Variants in SUMF1 observed in about 807,000 individuals in gnomAD.
SUMF1 encodes sulfatase modifying factor 1, also known as formylglycine-generating enzyme.
In SUMF1, 48 loss-of-function variants were observed where a neutral mutation model predicts 47.6. The observed-to-expected ratio is 1.01, with a 90% CI of 0.80 to 1.28. The LOEUF is 1.28. SUMF1 is among the 50% of genes most tolerant of loss of function. SUMF1 has a pLI of 0.00. For missense variants in SUMF1, 571 were observed against 485.4 expected, an observed-to-expected ratio of 1.18 and a Z score of -1.66; for synonymous variants, 230 against 192.1, an observed-to-expected ratio of 1.20 and a Z score of -1.63.
chr3:4,322,754 A>G (rs1316982179), intron 8 of SUMF1, among the ~76,000 whole-genome samples: 1 of 150,300 alleles, frequency 6.7e-6, no homozygotes, highest in Non-Finnish European at 1.5e-5. Flanking sequence ...GGTTGGTTGC[A>G]AAATTGTGCA....
chr3:4,343,328 C>A (rs961995644), intron 8 of SUMF1, among the ~76,000 whole-genome samples: 2 of 152,208 alleles, frequency 1.3e-5, no homozygotes, highest in East Asian at 3.8e-4. Flanking sequence ...GATCACCAAA[C>A]CACAGGGATA....
chr3:4,442,880 A>G (rs1218409204), intron 3 of SUMF1, among the ~76,000 whole-genome samples: 1 of 152,116 alleles, frequency 6.6e-6, no homozygotes, highest in East Asian at 1.9e-4. Flanking sequence ...CCAAATTTCT[A>G]TAAGAAGTAA....
intron 5 of SUMF1, among the ~76,000 whole-genome samples, chr3:4,417,796 G>A (rs1426025282): frequency 6.6e-6 from 1 of 152,200 alleles, no homozygotes; most frequent in Non-Finnish European, 1.5e-5. Context: ...TGGGGCTGGA[G>A]GGAGCCCACT....
intron 9 of SUMF1, among the ~76,000 whole-genome samples, chr3:4,043,539 C>A (rs891560998): frequency 6.6e-6 from 1 of 152,126 alleles, no homozygotes; most frequent in South Asian, 2.1e-4. Flanking sequence ...AGCCACCCCC[C>A]ATTCCTCTCC....
At chr3:4,216,409 TAAAC>T (rs1695924951) in intron 8 of SUMF1, among the ~76,000 whole-genome samples, 1 of 152,194 alleles carries the variant, frequency 6.6e-6, no homozygotes, top group Non-Finnish European at 1.5e-5. Context: ...ATTACAGAGT[TAAAC>T]ATAAGACCTA....
intron 8 of SUMF1, among the ~76,000 whole-genome samples, chr3:4,163,064 C>A (rs1263096250): frequency 1.3e-5 from 2 of 151,160 alleles, no homozygotes; most frequent in Admixed American, 1.3e-4. Context: ...CAGTATGGAT[C>A]AAAAATGTAC....
At chr3:4,050,414 G>T (rs1695085973) in intron 9 of SUMF1, among the ~76,000 whole-genome samples, 1 of 151,898 alleles carries the variant, frequency 6.6e-6, no homozygotes, top group Non-Finnish European at 1.5e-5. Context: ...TCTGTAAAAT[G>T]GGAATAAAAA....
chr3:4,214,782 G>GC (rs1374000974), intron 8 of SUMF1, among the ~76,000 whole-genome samples: 20 of 93,666 alleles, frequency 2.1e-4, no homozygotes, highest in African/African-American at 9.0e-4. Flanking sequence ...GCGAAAATAA[G>GC]CTAAAAAACC....
rs368884320 is a variant in SUMF1 at position 4,258,636 on chromosome 3, G to T, written c.1014+117694C>A. ...CAACAGGTGCTTGAGAGGATGTGGA[G>T]AAATAGGAACACTTTTACACTGTTG... On this transcript the variant is annotated intron_variant and NMD_transcript_variant, in intron 8 of 12. Transcript: ENST00000448413. 2.9e-4 allele frequency among the ~76,000 whole-genome samples: 44 copies of T among 152,078 alleles called. 1 individual carries two copies. The East Asian group carries it at 6.4e-3, about 22-fold the overall frequency.
At chr3:4,090,572 G>C (rs994166546) in intron 8 of SUMF1, among the ~76,000 whole-genome samples, 2 of 152,106 alleles carry the variant, frequency 1.3e-5, no homozygotes, top group Non-Finnish European at 2.9e-5. Context: ...AAAAATTTGT[G>C]AAGTGTACAG....
chr3:4,425,891 A>G (rs1317574296), intron 3 of SUMF1, among the ~76,000 whole-genome samples: 1 of 152,234 alleles, frequency 6.6e-6, no homozygotes, highest in East Asian at 1.9e-4. Flanking sequence ...GCAGCAGGCA[A>G]GAGGGCAAGA....
At chr3:4,444,083 A>G (rs1176578572) in intron 3 of SUMF1, among the ~76,000 whole-genome samples, 1 of 152,182 alleles carries the variant, frequency 6.6e-6, no homozygotes, top group African/African-American at 2.4e-5. Flanking sequence ...TCAGGCAAAA[A>G]CAACTAATTT....
chr3:4,350,758 C>G (rs143948195), intron 8 of SUMF1, among the ~76,000 whole-genome samples: 69 of 152,034 alleles, frequency 4.5e-4, no homozygotes, highest in African/African-American at 1.6e-3. Flanking sequence ...CATTCTCTAT[C>G]TCCTTCTCTT....
At chr3:4,445,666 G>A (rs1702756640) in intron 3 of SUMF1, among the ~76,000 whole-genome samples, 1 of 152,136 alleles carries the variant, frequency 6.6e-6, no homozygotes, top group South Asian at 2.1e-4. Context: ...TTAAATCCAT[G>A]AGTTCATGAA....
intron 8 of SUMF1, among the ~76,000 whole-genome samples, chr3:4,102,197 G>T (rs2125062390): frequency 6.6e-6 from 1 of 152,166 alleles, no homozygotes; most frequent in African/African-American, 2.4e-5. Context: ...CATAATTTCT[G>T]GAATATTCTT....
At chr3:4,242,043 G>A (rs368955666) in intron 8 of SUMF1, among the ~76,000 whole-genome samples, 103 of 152,118 alleles carry the variant, frequency 6.8e-4, no homozygotes, top group Admixed American at 2.2e-3. Flanking sequence ...TAGCTGGCTC[G>A]TTGGTCTAGG....
At chr3:4,394,721 G>A (rs937465833) in intron 7 of SUMF1, among the ~76,000 whole-genome samples, 1 of 152,150 alleles carries the variant, frequency 6.6e-6, no homozygotes, top group African/African-American at 2.4e-5. Context: ...TCAGAAGACT[G>A]ATACAAGGGA....
chr3:4,162,983 G>A (rs548247488), intron 8 of SUMF1, among the ~76,000 whole-genome samples: 2 of 151,988 alleles, frequency 1.3e-5, no homozygotes, highest in Middle Eastern at 3.4e-3. Context: ...AACTCATCAC[G>A]TTAGTGCCCA....
At chr3:4,274,303 A>G (rs181134068) in intron 8 of SUMF1, among the ~76,000 whole-genome samples, 1 of 152,148 alleles carries the variant, frequency 6.6e-6, no homozygotes, top group South Asian at 2.1e-4. Context: ...TTTCACCAAG[A>G]AACTAAATTT....
Sources: gnomAD v4.1 joint callset for allele counts (sites outside exome capture counted in the v4.1 genomes callset) on GRCh38, gnomAD v4.1.1 for gene constraint, MANE v1.5 for transcripts, NCBI Gene and HGNC (gene_info 2026-07-23, HGNC 2026-07-21) for gene names.